GABRB1: variants seen among roughly 807,000 people sequenced by gnomAD.
The protein encoded by GABRB1 is gamma-aminobutyric acid type A receptor subunit beta1, also known as gamma-aminobutyric acid receptor subunit beta-1.
GABRB1 carries 17 observed loss-of-function variants against 51.6 expected under a neutral mutation model. That is an observed-to-expected ratio of 0.33 (90% CI 0.23 to 0.49). The LOEUF is 0.49. Ranked by LOEUF, GABRB1 falls within the 20% of genes least tolerant of loss-of-function variation. GABRB1 has a pLI of 0.99. For synonymous variants in GABRB1, 247 were observed against 218.9 expected (o/e 1.13, Z -1.14); for missense variants, 410 against 600.6 (o/e 0.68, Z 3.32).
chr4:47,425,377 C>CCACACACACACACACACACACACACACA (rs34275303), intron 8 of GABRB1, among the ~76,000 whole-genome samples: 1 of 138,332 alleles, frequency 7.2e-6, no homozygotes, highest in African/African-American at 2.7e-5. Context: ...AGAAGAAATA[C>CCACACACACACACACACACACACACACA]CACACACACA....
chr4:47,279,255 T>TAAAC (rs1305193878), intron 4 of GABRB1, among the ~76,000 whole-genome samples: 1 of 152,084 alleles, frequency 6.6e-6, no homozygotes, highest in East Asian at 1.9e-4. Context: ...GTTTAGCAAA[T>TAAAC]AAACAAACAA....
At chr4:47,366,824 G>A (rs954541784) in intron 5 of GABRB1, among the ~76,000 whole-genome samples, 6 of 152,150 alleles carry the variant, frequency 3.9e-5, no homozygotes, top group African/African-American at 9.7e-5. Context: ...AATTAAAACT[G>A]TGACTTAAGC....
At chr4:47,063,621 GA>G (rs1341667546) in intron 3 of GABRB1, among the ~76,000 whole-genome samples, 1 of 152,080 alleles carries the variant, frequency 6.6e-6, no homozygotes, top group Non-Finnish European at 1.5e-5. Context: ...AAAGAGGAGT[GA>G]AAAACAGCAG....
At chr4:47,165,936 C>CTT (rs1718163451) in intron 4 of GABRB1, among the ~76,000 whole-genome samples, 1 of 152,226 alleles carries the variant, frequency 6.6e-6, no homozygotes. Context: ...GTCACTGAGA[C>CTT]TTAATCTGTT....
intron 5 of GABRB1, among the ~76,000 whole-genome samples, chr4:47,375,946 G>A (rs1000761635): frequency 6.6e-6 from 1 of 152,194 alleles, no homozygotes; most frequent in Non-Finnish European, 1.5e-5. Flanking sequence ...AGGAGAAGAT[G>A]ATGACTTCCA....
intron 4 of GABRB1, among the ~76,000 whole-genome samples, chr4:47,304,808 A>G (rs192056852): frequency 3.7e-4 from 56 of 152,168 alleles, no homozygotes; most frequent in Non-Finnish European, 5.9e-4. Flanking sequence ...CTGCCAGAAA[A>G]TATTAATTTT....
intron 3 of GABRB1, among the ~76,000 whole-genome samples, chr4:47,077,880 AT>A (rs1363338467): frequency 2.2e-5 from 3 of 138,780 alleles, no homozygotes; most frequent in East Asian, 2.0e-4. Context: ...TATTATATGT[AT>A]TTTTATATAT....
chr4:47,321,319 T>C (rs1284385466), intron 5 of GABRB1, among the ~76,000 whole-genome samples: 1 of 152,204 alleles, frequency 6.6e-6, no homozygotes, highest in Non-Finnish European at 1.5e-5. Flanking sequence ...GTCTCATTAC[T>C]GAGCAATTAC....
chr4:47,008,825 T>C lies in GABRB1; in HGVS notation c.-20+14899T>C, dbSNP rs147765992. Among the ~76,000 whole-genome samples the C allele has an allele frequency of 1.1e-3, 160 of 142,372 alleles. 3 individuals carry two copies. The highest frequency in any genetic ancestry group is 4.0e-3 in the African/African-American group (155 of 38,952). 93.4% of individuals were successfully genotyped at this position (142,372 alleles called of 152,430 possible). On this transcript the variant is annotated intron_variant, in intron 1 of 3. Coordinates refer to the GABRB1 transcript ENST00000513567. ...AAAATACCAGCAGTATTAACTGTAG[T>C]TCACCCTGTCACGCTATCAGATACT...
In GABRB1 at chr4:47,036,281, G is replaced by A. The variant is rs140889214; in HGVS notation, c.240+3797G>A. Among the ~76,000 whole-genome samples the A allele has an allele frequency of 8.1e-3, 1,240 of 152,186 alleles. 14 individuals are homozygous for A. The highest frequency in any genetic ancestry group is 0.028 in the African/African-American group (1,148 of 41,518). The stretch of plus-strand genomic sequence containing the variant: ...GTGGTTATTTTAATATTAGACTCTG[G>A]AAGTTTCTGGTACATACTTCAATTA... On this transcript the variant is annotated intron_variant, in intron 3 of 8. Coordinates refer to ENST00000295454, the MANE Select transcript of GABRB1 (RefSeq NM_000812.4).
At chr4:47,243,381 G>T (rs960941381) in intron 4 of GABRB1, among the ~76,000 whole-genome samples, 17 of 152,046 alleles carry the variant, frequency 1.1e-4, no homozygotes, top group African/African-American at 4.1e-4. Flanking sequence ...CTCTTTTTTG[G>T]TTCCATATGA....
At chr4:47,352,918 G>T (rs867284850) in intron 5 of GABRB1, among the ~76,000 whole-genome samples, 2 of 152,156 alleles carry the variant, frequency 1.3e-5, no homozygotes, top group African/African-American at 2.4e-5. Context: ...CTATGTATTA[G>T]TCTGTTTTCA....
At chr4:47,131,550 G>A (rs1231697061) in intron 3 of GABRB1, among the ~76,000 whole-genome samples, 1 of 152,074 alleles carries the variant, frequency 6.6e-6, no homozygotes, top group Non-Finnish European at 1.5e-5. Flanking sequence ...TTAAAATAAT[G>A]GCCAAAACTG....
chr4:47,162,697 G>A (rs947421287), intron 4 of GABRB1, among the ~76,000 whole-genome samples: 10 of 152,020 alleles, frequency 6.6e-5, no homozygotes, highest in South Asian at 2.1e-4. Flanking sequence ...ACTAAAATCC[G>A]TGTATCCTGA....
chr4:47,398,952 G>C (rs1009143479), intron 5 of GABRB1, among the ~76,000 whole-genome samples: 17 of 152,122 alleles, frequency 1.1e-4, no homozygotes, highest in Non-Finnish European at 2.4e-4. Flanking sequence ...CACCACGTCC[G>C]GCTAATTTTC....
chr4:47,132,449 T>C (rs1369243093), intron 3 of GABRB1, among the ~76,000 whole-genome samples: 2 of 151,780 alleles, frequency 1.3e-5, no homozygotes, highest in Non-Finnish European at 2.9e-5. Flanking sequence ...TTGGTTTGGA[T>C]TGCATCACTT....
At chr4:47,301,601 T>C (rs1251477770) in intron 4 of GABRB1, among the ~76,000 whole-genome samples, 1 of 146,750 alleles carries the variant, frequency 6.8e-6, no homozygotes, top group East Asian at 2.0e-4. Flanking sequence ...ACCATTGCAC[T>C]CCAGCCTGGG....
At chr4:47,065,417 C>CA (rs1384038163) in intron 3 of GABRB1, among the ~76,000 whole-genome samples, 1 of 152,220 alleles carries the variant, frequency 6.6e-6, no homozygotes, top group Non-Finnish European at 1.5e-5. Context: ...TCAGTTCTCT[C>CA]AGGATAGCTA....
At position 47,032,445 on chromosome 4, in the gene GABRB1, C is replaced by A. The variant is rs1434827342; in HGVS notation, c.201C>A (p.Ile67=). Residue 67 remains isoleucine, a synonymous_variant, in exon 3 of 9, where the codon ATC becomes ATA. Coordinates refer to ENST00000295454, the MANE Select transcript of GABRB1 (RefSeq NM_000812.4). ...CCCCCGTCGACGTTGGGATGCGGAT[C>A]GATGTCGCCAGCATAGACATGGTCT... The part of the protein sequence containing the change: ...GGPPVDVGMR[I]DVASIDMVSE... 6.2e-7 allele frequency: 1 copy of A among 1,601,020 alleles called. No homozygotes were observed. Among genetic ancestry groups the A allele is most frequent in the Admixed American group, 1.7e-5 (1 of 59,058 alleles).
Sources: allele counts gnomAD v4.1 joint callset (sites outside exome capture counted in the v4.1 genomes callset), GRCh38; gene constraint gnomAD v4.1.1; transcripts MANE v1.5; gene names NCBI Gene and HGNC (gene_info 2026-07-23, HGNC 2026-07-21).